The following KCNIP4 variants were observed in gnomAD, a reference collection of about 807,000 sequenced individuals.
KCNIP4 encodes Kv channel-interacting protein 4.
In KCNIP4, 12 loss-of-function variants were observed where a neutral mutation model predicts 34.0. The observed-to-expected ratio is 0.35, with a 90% CI of 0.23 to 0.57. KCNIP4 has a LOEUF of 0.57. Among genes scored for constraint, KCNIP4 ranks in the 20% least tolerant of loss-of-function variants. The pLI, the probability that KCNIP4 is intolerant of heterozygous loss-of-function variation, is 0.83. For synonymous variants in KCNIP4, 124 were observed against 102.2 expected (o/e 1.21, Z -1.29); for missense variants, 238 against 311.7 (o/e 0.76, Z 1.78).
intron 1 of KCNIP4, among the ~76,000 whole-genome samples, chr4:21,703,114 A>C (rs1034834262): frequency 3.3e-5 from 5 of 152,120 alleles, no homozygotes; most frequent in Non-Finnish European, 7.4e-5. Context: ...ACTTTGATAA[A>C]GAACATCTAC....
At chr4:21,492,083 G>T (rs1374728657) in intron 1 of KCNIP4, among the ~76,000 whole-genome samples, 1 of 152,164 alleles carries the variant, frequency 6.6e-6, no homozygotes, top group Non-Finnish European at 1.5e-5. Context: ...GAGAAGGTTT[G>T]TTTTATAGTG....
At chr4:21,036,837 G>A (rs1262662472) in intron 1 of KCNIP4, among the ~76,000 whole-genome samples, 1 of 152,234 alleles carries the variant, frequency 6.6e-6, no homozygotes, top group African/African-American at 2.4e-5. Flanking sequence ...CAGACCACAT[G>A]TATGATGATG....
intron 1 of KCNIP4, among the ~76,000 whole-genome samples, chr4:21,779,887 T>C (rs1377766820): frequency 6.6e-6 from 1 of 151,164 alleles, no homozygotes; most frequent in East Asian, 2.0e-4. Flanking sequence ...GCTATAATTG[T>C]GCTGCTGCAC....
chr4:21,935,033 A>G (rs1019039091), intron 1 of KCNIP4, among the ~76,000 whole-genome samples: 3 of 151,888 alleles, frequency 2.0e-5, no homozygotes, highest in Non-Finnish European at 2.9e-5. Flanking sequence ...TCCTCCCATC[A>G]CCATAAGCAA....
chr4:21,824,065 T>G (rs1043265208), intron 1 of KCNIP4, among the ~76,000 whole-genome samples: 19 of 152,166 alleles, frequency 1.2e-4, no homozygotes, highest in Admixed American at 1.1e-3. Flanking sequence ...TGAAGAAGCC[T>G]GGGCTAGCCT....
intron 1 of KCNIP4, among the ~76,000 whole-genome samples, chr4:21,618,614 T>C (rs1301724534): frequency 1.6e-5 from 2 of 125,112 alleles, no homozygotes; most frequent in Non-Finnish European, 3.3e-5. Flanking sequence ...TTTCTTTTCT[T>C]TTTCTTTTTC....
intron 1 of KCNIP4, among the ~76,000 whole-genome samples, chr4:20,956,458 T>C (rs1202641533): frequency 6.6e-6 from 1 of 152,016 alleles, no homozygotes; most frequent in Non-Finnish European, 1.5e-5. Context: ...TGAGCCGAGA[T>C]TGTGCCACTG....
At chr4:21,126,614 T>G (rs1041058276) in intron 1 of KCNIP4, among the ~76,000 whole-genome samples, 1 of 47,126 alleles carries the variant, frequency 2.1e-5, no homozygotes, top group Non-Finnish European at 4.1e-5. Context: ...AGAAGAGAAA[T>G]AGCAAAAAAA....
chr4:21,659,926 T>C (rs912281110), intron 1 of KCNIP4, among the ~76,000 whole-genome samples: 1 of 152,170 alleles, frequency 6.6e-6, no homozygotes, highest in Admixed American at 6.5e-5. Context: ...CAAGAGTTTG[T>C]TTCCCTTTTC....
chr4:20,937,218 G>C (rs1426480833), intron 1 of KCNIP4, among the ~76,000 whole-genome samples: 1 of 132,564 alleles, frequency 7.5e-6, no homozygotes, highest in South Asian at 2.5e-4. Flanking sequence ...TGCCCCCAAG[G>C]AGTCTTTTTT....
intron 1 of KCNIP4, among the ~76,000 whole-genome samples, chr4:21,562,125 C>T (rs968626991): frequency 1.3e-5 from 2 of 151,814 alleles, no homozygotes; most frequent in Non-Finnish European, 2.9e-5. Context: ...CCTTCTTCTG[C>T]CCTTTTTAGA....
intron 1 of KCNIP4, among the ~76,000 whole-genome samples, chr4:21,255,157 G>C (rs757007231): frequency 6.6e-6 from 1 of 151,918 alleles, no homozygotes; most frequent in Non-Finnish European, 1.5e-5. Context: ...AGAGGGAGAC[G>C]AGGCCCTACC....
intron 1 of KCNIP4, among the ~76,000 whole-genome samples, chr4:21,874,851 C>T (rs1726016557): frequency 6.6e-6 from 1 of 152,094 alleles, no homozygotes; most frequent in African/African-American, 2.4e-5. Flanking sequence ...TTTCTAATTT[C>T]TAACTTGATT....
At chr4:21,767,786 C>T (rs116790733) in intron 1 of KCNIP4, among the ~76,000 whole-genome samples, 22,426 of 151,890 alleles carry the variant, frequency 0.15, 5,565 homozygotes, top group African/African-American at 0.51. Context: ...ATACACACTA[C>T]TACCTGAAAG....
intron 1 of KCNIP4, among the ~76,000 whole-genome samples, chr4:21,090,427 A>G (rs1024462044): frequency 6.6e-6 from 1 of 152,216 alleles, no homozygotes. Context: ...GCTAAAAAGA[A>G]GCAGCATATA....
chr4:21,388,548 T>C (rs549805482), intron 1 of KCNIP4, among the ~76,000 whole-genome samples: 10 of 152,256 alleles, frequency 6.6e-5, no homozygotes, highest in African/African-American at 2.2e-4. Context: ...TAAAGTGAAT[T>C]ATATTGAGTG....
intron 1 of KCNIP4, among the ~76,000 whole-genome samples, chr4:21,711,275 C>T (rs1163366600): frequency 6.6e-6 from 1 of 152,124 alleles, no homozygotes; most frequent in Admixed American, 6.5e-5. Context: ...AGATTGAGAC[C>T]ATCCTGGCCA....
chr4:21,311,354 G>A (rs151021868), intron 1 of KCNIP4, among the ~76,000 whole-genome samples: 87 of 152,188 alleles, frequency 5.7e-4, no homozygotes, highest in African/African-American at 1.9e-3. Flanking sequence ...TCTTCACCAC[G>A]AGTAATATAG....
intron 1 of KCNIP4, among the ~76,000 whole-genome samples, chr4:21,436,232 T>C (rs1726932912): frequency 1.3e-5 from 2 of 152,168 alleles, no homozygotes; most frequent in Non-Finnish European, 2.9e-5. Context: ...CTGAGACTGA[T>C]ATATACCTAG....
Sources: gnomAD v4.1 joint callset for allele counts (sites outside exome capture counted in the v4.1 genomes callset) on GRCh38, gnomAD v4.1.1 for gene constraint, MANE v1.5 for transcripts, NCBI Gene and HGNC (gene_info 2026-07-23, HGNC 2026-07-21) for gene names.